Variants in CHMP4C observed in about 807,000 individuals in gnomAD.
CHMP4C encodes charged multivesicular body protein 4C, also known as SNF7 homolog associated with Alix 3.
Under a neutral mutation model 29.0 loss-of-function variants are expected in CHMP4C, and 28 were observed. The observed-to-expected ratio is 0.97, with a 90% CI of 0.72 to 1.32. The LOEUF is 1.32. CHMP4C is among the 40% of genes most tolerant of loss of function. The probability of loss-of-function intolerance (pLI) is 0.00; values close to 1 mark genes in which losing one functional copy is unlikely to be tolerated. For synonymous variants in CHMP4C, 106 were observed against 102.4 expected, an observed-to-expected ratio of 1.04 and a Z score of -0.21; for missense variants, 291 against 281.0, an observed-to-expected ratio of 1.04 and a Z score of -0.25.
rs939050935 is a variant in CHMP4C at position 81,759,233 on chromosome 8, C to A, written c.*689C>A. 1 of 152,416 alleles carries A rather than the reference C, an allele frequency of 6.6e-6. No homozygotes were observed. The highest frequency in any genetic ancestry group is 2.4e-5 in the African/African-American group (1 of 41,354). 9.4% of individuals were successfully genotyped at this position (152,416 alleles called of 1,614,324 possible). A position where few individuals can be genotyped will look rare whatever the true frequency, so the allele number is the denominator to read the frequency against. ...GGAGCTTTAATTGACATTTATTATACCAATTAAGCTTGGAATGGGGCAATG... is the reference window on the plus strand; with the variant it reads ...GGAGCTTTAATTGACATTTATTATAACAATTAAGCTTGGAATGGGGCAATG... On this transcript the variant is annotated 3_prime_UTR_variant, in exon 5 of 5. Coordinates refer to ENST00000297265, the MANE Select transcript of CHMP4C (RefSeq NM_152284.4).
rs200872089 is a variant in CHMP4C at position 81,758,157 on chromosome 8, G to C, written c.499G>C (p.Glu167Gln). The C allele has an allele frequency of 1.2e-4, 188 of 1,613,738 alleles. 1 individual carries two copies. The highest frequency in any genetic ancestry group is 1.9e-5 in the Non-Finnish European group (22 of 1,179,856). The change falls in exon 4 of 5, where the codon GAA becomes CAA. Residue 167 changes from glutamate to glutamine, a missense_variant. By Grantham distance (29) the Glu-to-Gln change is conservative. Coordinates refer to ENST00000297265, the MANE Select transcript of CHMP4C (RefSeq NM_152284.4). ...DDFDEDELMA[E>Q]LEELEQEELN... ...CTGTGTTCAGGATGAGTTGATGGCA[G>C]AACTTGAAGAATTGGAACAGGAGGA...
intron 1 of CHMP4C, among the ~76,000 whole-genome samples, chr8:81,737,278 G>C (rs144445672): frequency 7.1e-4 from 108 of 152,252 alleles, no homozygotes; most frequent in African/African-American, 2.6e-3. Context: ...TGGGGATCAG[G>C]CATCTGTTTT....
At chr8:81,757,441 G>A (rs887810633) in intron 3 of CHMP4C, among the ~76,000 whole-genome samples, 12 of 152,158 alleles carry the variant, frequency 7.9e-5, no homozygotes, top group Non-Finnish European at 1.6e-4. Context: ...GACTTATGGA[G>A]CCAGTGAGAT....
intron 3 of CHMP4C, among the ~76,000 whole-genome samples, chr8:81,757,017 T>C (rs1012927106): frequency 2.0e-5 from 3 of 152,294 alleles, no homozygotes; most frequent in East Asian, 1.9e-4. Flanking sequence ...AGACAATCTT[T>C]AGCTTGCTGC....
intron 1 of CHMP4C, among the ~76,000 whole-genome samples, chr8:81,748,882 G>A (rs963589583): frequency 8.8e-5 from 13 of 147,680 alleles, no homozygotes; most frequent in East Asian, 6.0e-4. Flanking sequence ...AGCCAAGATC[G>A]CGCCACTGCA....
chr8:81,741,966 A>G (rs1223842581), intron 1 of CHMP4C, among the ~76,000 whole-genome samples: 2 of 152,224 alleles, frequency 1.3e-5, no homozygotes, highest in Non-Finnish European at 2.9e-5. Context: ...TCTTTGAATA[A>G]TTGACTTTTC....
intron 1 of CHMP4C, among the ~76,000 whole-genome samples, chr8:81,744,445 A>G (rs902136491): frequency 3.9e-5 from 6 of 152,188 alleles, no homozygotes; most frequent in African/African-American, 1.4e-4. Context: ...TCTACATAGA[A>G]GAAATGTAGC....
chr8:81,733,976 T>A (rs901353955), intron 1 of CHMP4C, among the ~76,000 whole-genome samples: 3 of 152,212 alleles, frequency 2.0e-5, no homozygotes, highest in Non-Finnish European at 4.4e-5. Flanking sequence ...CCTCTTTCTG[T>A]AAAAGTGTGC....
chr8:81,741,755 A>C (rs903907771), intron 1 of CHMP4C, among the ~76,000 whole-genome samples: 1 of 152,188 alleles, frequency 6.6e-6, no homozygotes, highest in Non-Finnish European at 1.5e-5. Flanking sequence ...TAAATGCCAC[A>C]GTCTCATCTG....
At position 81,759,390 on chromosome 8, in the gene CHMP4C, T is replaced by A. The variant is rs1809016588; in HGVS notation, c.*846T>A. ...CATTATGATGCTGTTACAGCTTCAG[T>A]GTATAAATGCATGAGTATTCTTTCT... On this transcript the variant is annotated 3_prime_UTR_variant, in exon 5 of 5. Coordinates refer to ENST00000297265, the MANE Select transcript of CHMP4C (RefSeq NM_152284.4). 1 of 152,270 alleles carries A rather than the reference T, an allele frequency of 6.6e-6. No homozygotes were observed. Among genetic ancestry groups the A allele is most frequent in the Admixed American group, 6.5e-5 (1 of 15,268 alleles). 9.4% of individuals were successfully genotyped at this position (152,270 alleles called of 1,614,324 possible).
chr8:81,753,012 G>C, intron 1 of CHMP4C, 52 bp from the exon 2 acceptor site: 1 of 1,488,094 alleles, frequency 6.7e-7, no homozygotes, highest in Non-Finnish European at 9.1e-7. Context: ...AACATCTCTT[G>C]ATTTAGTGTC....
At chr8:81,756,834 T>C (rs1808979008) in intron 3 of CHMP4C, among the ~76,000 whole-genome samples, 1 of 152,166 alleles carries the variant, frequency 6.6e-6, no homozygotes, top group Non-Finnish European at 1.5e-5. Flanking sequence ...TGTCCCTGAT[T>C]GTTTTGTGAG....
chr8:81,757,235 G>A (rs1224314806), intron 3 of CHMP4C, among the ~76,000 whole-genome samples: 1 of 152,154 alleles, frequency 6.6e-6, no homozygotes, highest in Non-Finnish European at 1.5e-5. Context: ...GCCCAGGAGT[G>A]AGTGCTCAAT....
intron 1 of CHMP4C, among the ~76,000 whole-genome samples, chr8:81,745,737 G>T (rs1303631203): frequency 6.6e-6 from 1 of 152,154 alleles, no homozygotes; most frequent in Non-Finnish European, 1.5e-5. Context: ...CAGTGCTGAA[G>T]GAACATCACT....
chr8:81,740,848 T>C (rs1808754845), intron 1 of CHMP4C, among the ~76,000 whole-genome samples: 1 of 152,162 alleles, frequency 6.6e-6, no homozygotes, highest in Non-Finnish European at 1.5e-5. Context: ...TGGAATAAGG[T>C]TCAGGATCTT....
chr8:81,739,313 T>C (rs1808731656), intron 1 of CHMP4C, among the ~76,000 whole-genome samples: 1 of 147,852 alleles, frequency 6.8e-6, no homozygotes, highest in Non-Finnish European at 1.5e-5. Flanking sequence ...GTCAGACTTA[T>C]CCAGTATTCA....
At chr8:81,749,842 T>C (rs1808874597) in intron 1 of CHMP4C, among the ~76,000 whole-genome samples, 1 of 152,156 alleles carries the variant, frequency 6.6e-6, no homozygotes, top group Non-Finnish European at 1.5e-5. Flanking sequence ...TGGTCTCAGA[T>C]GGAGATGAGG....
At chr8:81,738,219 G>A (rs939777382) in intron 1 of CHMP4C, among the ~76,000 whole-genome samples, 4 of 152,170 alleles carry the variant, frequency 2.6e-5, no homozygotes, top group African/African-American at 4.8e-5. Context: ...GATCTAGTCT[G>A]GGGTGATTTG....
At chr8:81,749,160 G>A (rs906590876) in intron 1 of CHMP4C, among the ~76,000 whole-genome samples, 7 of 151,142 alleles carry the variant, frequency 4.6e-5, no homozygotes, top group Non-Finnish European at 1.0e-4. Flanking sequence ...TGAAGTCATG[G>A]AAGAGGGATT....
Sources: gnomAD v4.1 joint callset for allele counts (sites outside exome capture counted in the v4.1 genomes callset) on GRCh38, gnomAD v4.1.1 for gene constraint, MANE v1.5 for transcripts, NCBI Gene and HGNC (gene_info 2026-07-23, HGNC 2026-07-21) for gene names.